The following CECR2 variants were observed in gnomAD, a reference collection of about 807,000 sequenced individuals.
The protein encoded by CECR2 is CECR2 histone acetyl-lysine reader.
In CECR2, 30 loss-of-function variants were observed where a neutral mutation model predicts 154.5. The ratio of observed to expected loss-of-function variants is 0.19; its 90% CI spans 0.15 to 0.26. The LOEUF is 0.26. Among genes scored for constraint, CECR2 ranks in the 10% least tolerant of loss-of-function variants. The probability of loss-of-function intolerance (pLI) is 1.00; values close to 1 mark genes in which losing one functional copy is unlikely to be tolerated. For missense variants in CECR2, 1,743 were observed against 1,829.3 expected (o/e 0.95, Z 0.86); for synonymous variants, 725 against 683.7 (o/e 1.06, Z -0.94).
At chr22:17,386,215 A>G (rs2063259103) in intron 1 of CECR2, among the ~76,000 whole-genome samples, 2 of 152,196 alleles carry the variant, frequency 1.3e-5, no homozygotes, top group Non-Finnish European at 2.9e-5. Context: ...TGAAGGGGTC[A>G]AAGATGACTT....
chr22:17,458,070 G>C (rs369971428), intron 1 of CECR2, among the ~76,000 whole-genome samples: 1 of 152,120 alleles, frequency 6.6e-6, no homozygotes, highest in South Asian at 2.1e-4. Context: ...TGATAGCACT[G>C]TTCTTCATCT....
At chr22:17,425,844 C>A (rs1438213467) in intron 1 of CECR2, among the ~76,000 whole-genome samples, 1 of 151,808 alleles carries the variant, frequency 6.6e-6, no homozygotes. Context: ...AGAATAGGGG[C>A]CATAAAAGCG....
intron 8 of CECR2, among the ~76,000 whole-genome samples, chr22:17,512,481 T>G (rs2055974995): frequency 6.6e-6 from 1 of 152,058 alleles, no homozygotes; most frequent in Admixed American, 6.6e-5. Context: ...GGCAGGTGGA[T>G]TTCTTGTACT....
At position 17,552,914 on chromosome 22, in the gene CECR2, C is replaced by G; in HGVS notation, c.*74C>G. 6.5e-7 allele frequency: 1 copy of G among 1,535,598 alleles called. No homozygotes were observed. The highest frequency in any genetic ancestry group is 1.2e-5 in the South Asian group (1 of 80,588). ...TGGAATGTGGAGAACTGGGGAGTGC[C>G]CTGTCAGCTCTATTCCCATCACCTG... On this transcript the variant is annotated 3_prime_UTR_variant, in exon 19 of 19. Coordinates refer to ENST00000262608, the MANE Select transcript of CECR2 (RefSeq NM_001290047.2).
At chr22:17,418,020 T>C (rs1018507893) in intron 1 of CECR2, among the ~76,000 whole-genome samples, 2 of 152,228 alleles carry the variant, frequency 1.3e-5, no homozygotes, top group Admixed American at 1.3e-4. Context: ...CTTTGAGGTA[T>C]AATTTGTATA....
intron 8 of CECR2, among the ~76,000 whole-genome samples, chr22:17,516,482 T>G (rs1037082720): frequency 3.3e-5 from 5 of 152,166 alleles, no homozygotes; most frequent in Non-Finnish European, 7.4e-5. Flanking sequence ...AGAGCTCATC[T>G]CAAATTGCAA....
chr22:17,434,703 T>C (rs1001575497), intron 1 of CECR2, among the ~76,000 whole-genome samples: 1 of 151,582 alleles, frequency 6.6e-6, no homozygotes, highest in African/African-American at 2.4e-5. Flanking sequence ...ATGTTCTGTT[T>C]GTGTGTATTT....
chr22:17,382,187 G>A (rs28707272), intron 1 of CECR2, among the ~76,000 whole-genome samples: 1 of 152,106 alleles, frequency 6.6e-6, no homozygotes, highest in Non-Finnish European at 1.5e-5. Flanking sequence ...ACTGTGCCCG[G>A]CCAGAGAGCC....
intron 1 of CECR2, among the ~76,000 whole-genome samples, chr22:17,399,752 A>G (rs1438993800): frequency 6.6e-6 from 1 of 152,208 alleles, no homozygotes; most frequent in Non-Finnish European, 1.5e-5. Context: ...AAGTACACTC[A>G]GATGCGACTA....
chr22:17,526,074 A>G (rs1003823677), intron 9 of CECR2, among the ~76,000 whole-genome samples: 9 of 152,232 alleles, frequency 5.9e-5, no homozygotes, highest in African/African-American at 1.7e-4. Context: ...TAAAATGTCC[A>G]TAGTACTCAA....
intron 1 of CECR2, among the ~76,000 whole-genome samples, chr22:17,381,479 C>G (rs1483847404): frequency 6.6e-6 from 1 of 152,134 alleles, no homozygotes; most frequent in African/African-American, 2.4e-5. Context: ...TCATCGCTTT[C>G]AGCAATGGAA....
intron 7 of CECR2, among the ~76,000 whole-genome samples, chr22:17,508,460 A>G (rs540585912): frequency 1.3e-5 from 2 of 151,950 alleles, no homozygotes; most frequent in South Asian, 4.2e-4. Context: ...CAAATACTTT[A>G]CCATTGTGTG....
At chr22:17,542,086 A>G in intron 15 of CECR2, 71 bp from the exon 16 acceptor site, 2 of 1,573,426 alleles carry the variant, frequency 1.3e-6, no homozygotes, top group South Asian at 2.3e-5. Context: ...GTCTGTTCCC[A>G]TAGAGAAGCA....
chr22:17,555,123 G>A lies in CECR2; in HGVS notation c.*2283G>A, dbSNP rs773388529. The stretch of plus-strand genomic sequence containing the variant: ...CATTGCCCCCTTTCCTTCTGCCCTC[G>A]TGGTCCTTGAGCAGTTGTGTGCACA... On this transcript the variant is annotated 3_prime_UTR_variant, in exon 19 of 19. Coordinates refer to ENST00000262608, the MANE Select transcript of CECR2 (RefSeq NM_001290047.2). 2.0e-5 allele frequency: 3 copies of A among 152,246 alleles called. No homozygotes were observed. The highest frequency in any genetic ancestry group is 4.8e-5 in the African/African-American group (2 of 41,428). The allele number at this position is 152,246 out of a possible 1,614,324, so 9.4% of individuals were successfully genotyped here.
intron 6 of CECR2, among the ~76,000 whole-genome samples, chr22:17,504,256 C>T (rs934865872): frequency 6.6e-6 from 1 of 151,560 alleles, no homozygotes; most frequent in African/African-American, 2.4e-5. Context: ...ACCTGTAGTC[C>T]CAGCTACTTG....
chr22:17,552,774 G>GTTTTTTGTTTTTTT lies in CECR2; in HGVS notation c.4390-55_4390-54insGTTTTTTTTTTTTT, dbSNP rs1555944499. 96 of 943,626 alleles carry GTTTTTTGTTTTTTT rather than the reference G, an allele frequency of 1.0e-4. 1 individual carries two copies. The highest frequency in any genetic ancestry group is 1.3e-4 in the South Asian group (8 of 61,878). The allele number at this position is 943,626 out of a possible 1,614,324, so 58.5% of individuals were successfully genotyped here. ...CTTGGACATTCTTTGGCTTACTTAA[G>GTTTTTTGTTTTTTT]TTTTTTTTTTTTTAACAACCCAATT... On this transcript the variant is annotated intron_variant, in intron 18 of 18. Coordinates refer to ENST00000262608, the MANE Select transcript of CECR2 (RefSeq NM_001290047.2).
At position 17,538,509 on chromosome 22, in the gene CECR2, G is replaced by A. The variant is rs968712931; in HGVS notation, c.1239-11G>A. 1 of 1,612,980 alleles carries A rather than the reference G, an allele frequency of 6.2e-7. No individual in the cohort carries two copies. Among genetic ancestry groups the A allele is most frequent in the Non-Finnish European group, 8.5e-7 (1 of 1,178,994 alleles). On this transcript the variant is annotated splice_polypyrimidine_tract_variant and intron_variant, in intron 10 of 18. Coordinates refer to ENST00000262608, the MANE Select transcript of CECR2 (RefSeq NM_001290047.2). ...AGAGTTACTATTAATTTCTTATTTTGTGATTTACAGCTTTGAGTTGGATGA... is the reference window on the plus strand; with the variant it reads ...AGAGTTACTATTAATTTCTTATTTTATGATTTACAGCTTTGAGTTGGATGA...
chr22:17,404,522 C>T (rs1201682668), intron 1 of CECR2, among the ~76,000 whole-genome samples: 2 of 140,466 alleles, frequency 1.4e-5, no homozygotes, highest in Non-Finnish European at 3.1e-5. Context: ...TACAGGCGCC[C>T]GCCACTACGC....
chr22:17,388,619 T>C (rs1206106522), intron 1 of CECR2, among the ~76,000 whole-genome samples: 1 of 152,178 alleles, frequency 6.6e-6, no homozygotes, highest in Admixed American at 6.5e-5. Context: ...TGTCGTGGTA[T>C]TAGAAAGGAA....
Sources: gnomAD v4.1 joint callset for allele counts (sites outside exome capture counted in the v4.1 genomes callset) on GRCh38, gnomAD v4.1.1 for gene constraint, MANE v1.5 for transcripts, NCBI Gene and HGNC (gene_info 2026-07-23, HGNC 2026-07-21) for gene names.